Variants in ACACA observed in about 807,000 individuals in gnomAD.
The protein encoded by ACACA is acetyl-CoA carboxylase 1.
A neutral mutation model predicts 296.1 loss-of-function variants in ACACA; 103 were observed. That is an observed-to-expected ratio of 0.35 (90% CI 0.30 to 0.41). ACACA has a LOEUF of 0.41. Among genes scored for constraint, ACACA ranks in the 10% least tolerant of loss-of-function variants. The pLI is 1.00. For synonymous variants in ACACA, 953 were observed against 1,038.6 expected (o/e 0.92, Z 1.58); for missense variants, 1,554 against 2,989.7 (o/e 0.52, Z 11.20).
rs2072130739 is a variant in ACACA, at chr17:37,085,347, G to A, written c.*1969C>T. The A allele has an allele frequency of 2.8e-6, 1 of 351,576 alleles. No homozygotes were observed. Among genetic ancestry groups the A allele is most frequent in the Non-Finnish European group, 5.1e-6 (1 of 196,456 alleles). The allele number at this position is 351,576 out of a possible 1,614,324, so 21.8% of individuals were successfully genotyped here. A position where few individuals can be genotyped will look rare whatever the true frequency, so the allele number is the denominator to read the frequency against. ...TTCTAGAGAGGAAACATACTCGTTT[G>A]TGTCATAATTTGGTGGGGAGAGGGG... On this transcript the variant is annotated 3_prime_UTR_variant, in exon 56 of 56. Transcript: ENST00000616317.
chr17:37,316,815 G>A (rs1296865692), intron 3 of ACACA, among the ~76,000 whole-genome samples: 1 of 152,198 alleles, frequency 6.6e-6, no homozygotes, highest in African/African-American at 2.4e-5. Context: ...GCTCATGTCT[G>A]TAATCCCAGC....
chr17:37,388,264 T>C (rs1210407082), intron 1 of ACACA, among the ~76,000 whole-genome samples: 2 of 152,158 alleles, frequency 1.3e-5, no homozygotes, highest in Non-Finnish European at 2.9e-5. Flanking sequence ...AGGAGAAACA[T>C]AGGAAAGGCG....
chr17:37,164,609 C>G (rs2076591720), intron 41 of ACACA, among the ~76,000 whole-genome samples: 1 of 152,150 alleles, frequency 6.6e-6, no homozygotes, highest in African/African-American at 2.4e-5. Context: ...AGTGAACACT[C>G]AAATATCAGG....
intron 41 of ACACA, 41 bp downstream of exon 41, chr17:37,179,219 G>C (rs781574731): frequency 6.2e-7 from 1 of 1,613,440 alleles, no homozygotes; most frequent in South Asian, 1.1e-5. Flanking sequence ...GTACTAGTGG[G>C]CACAGAGATA....
At chr17:37,180,270 G>A (rs2144848982) in intron 40 of ACACA, among the ~76,000 whole-genome samples, 1 of 152,288 alleles carries the variant, frequency 6.6e-6, no homozygotes, top group South Asian at 2.1e-4. Context: ...GGCTAGCAAT[G>A]CTATAAAAGG....
At chr17:37,390,235 TA>T (rs557211139) in intron 1 of ACACA, among the ~76,000 whole-genome samples, 902 of 51,402 alleles carry the variant, frequency 0.018, 55 homozygotes, top group African/African-American at 0.11. Flanking sequence ...TAATTATATA[TA>T]ATATATTATA....
At chr17:37,231,687 G>A (rs971839233) in intron 25 of ACACA, among the ~76,000 whole-genome samples, 10 of 152,258 alleles carry the variant, frequency 6.6e-5, no homozygotes, top group East Asian at 1.9e-4. Context: ...CATGTGGACC[G>A]TATCAAAAAT....
In ACACA at chr17:37,335,805, C is replaced by T. The variant is rs747679503; in HGVS notation, c.85+3999G>A. ...AACTTAACTCCCTAGCAGCAGTAGT[C>T]CTTCAAAATCGAAGAGCTTTAGACT... On this transcript the variant is annotated intron_variant, in intron 2 of 55. Transcript: ENST00000616317. Among the ~76,000 whole-genome samples the T allele has an allele frequency of 3.3e-5, 5 of 152,180 alleles. No homozygotes were observed. The East Asian group carries it at 7.7e-4, about 23-fold the overall frequency.
chr17:37,156,871 C>A (rs2076273776), intron 42 of ACACA, among the ~76,000 whole-genome samples: 1 of 152,166 alleles, frequency 6.6e-6, no homozygotes, highest in Non-Finnish European at 1.5e-5. Flanking sequence ...CATAAATCTG[C>A]GATTGGTCTT....
At position 37,272,574 on chromosome 17, in the gene ACACA, A is replaced by G. The variant is rs58912375; in HGVS notation, c.1008+1619T>C. On this transcript the variant is annotated intron_variant, in intron 9 of 55. Transcript: ENST00000616317. Reference sequence around the variant, plus strand: ...AAAAAGAGAAAGACTTAAAAAAAAAAGGGGGTATCCCATAGGAGGTCAGTA... The same window carrying G: ...AAAAAGAGAAAGACTTAAAAAAAAAGGGGGGTATCCCATAGGAGGTCAGTA... 9.8e-4 allele frequency among the ~76,000 whole-genome samples: 149 copies of G among 152,172 alleles called. 1 individual carries two copies. Among genetic ancestry groups the G allele is most frequent in the African/African-American group, 3.4e-3 (142 of 41,518 alleles).
At chr17:37,149,792 A>T (rs1348198750) in intron 45 of ACACA, 72 bp downstream of exon 45, 14 of 1,340,816 alleles carry the variant, frequency 1.0e-5, no homozygotes. Context: ...TCCAATCAGG[A>T]TCTTGAATTA....
chr17:37,119,634 AC>A (rs2074425500), intron 50 of ACACA, among the ~76,000 whole-genome samples: 44 of 137,358 alleles, frequency 3.2e-4, no homozygotes, highest in African/African-American at 1.2e-3. Context: ...ACACACACAC[AC>A]ACACACAATC....
Position 37,087,305 on chromosome 17 carries a change from G to A in ACACA, c.*11C>T. 6.2e-7 allele frequency: 1 copy of A among 1,614,134 alleles called. No homozygotes were observed. Among genetic ancestry groups the A allele is most frequent in the Non-Finnish European group, 8.5e-7 (1 of 1,180,046 alleles). On this transcript the variant is annotated 3_prime_UTR_variant, in exon 56 of 56. Coordinates refer to ENST00000616317, the MANE Select transcript of ACACA (RefSeq NM_198834.3). ...TCCAGAGACAGGGCAGGGACAGGCAGGAAGCTCTTCCTACGTGGAAGGGGA... is the reference window on the plus strand; with the variant it reads ...TCCAGAGACAGGGCAGGGACAGGCAAGAAGCTCTTCCTACGTGGAAGGGGA...
Position 37,206,858 on chromosome 17 carries a change from G to A in ACACA, c.3873C>T (p.Gly1291=), listed in dbSNP as rs765621387. Residue 1291 remains glycine (G), a synonymous_variant, in exon 32 of 56, where the codon GGC becomes GGT. Transcript: ENST00000616317. Reference sequence around the variant, plus strand: ...TCTGGGGTGGGGAGTCAGAGAAGCAGCCCATCACTTCATCAAAGATCCTAA... The same window carrying A: ...TCTGGGGTGGGGAGTCAGAGAAGCAACCCATCACTTCATCAAAGATCCTAA... The part of the protein sequence containing the change: ...DFVRIFDEVM[G]CFSDSPPQSP... 5 of 1,613,578 alleles carry A rather than the reference G, an allele frequency of 3.1e-6. No individual in the cohort carries two copies. In the East Asian group the frequency reaches 1.1e-4, roughly 36 times the overall value.
At chr17:37,307,488 C>T (rs1188149333) in intron 3 of ACACA, among the ~76,000 whole-genome samples, 1 of 152,130 alleles carries the variant, frequency 6.6e-6, no homozygotes, top group Non-Finnish European at 1.5e-5. Context: ...TATTGAGCAC[C>T]TTTTCATATA....
intron 19 of ACACA, among the ~76,000 whole-genome samples, chr17:37,246,408 ATC>A (rs887724715): frequency 1.6e-4 from 25 of 151,692 alleles, no homozygotes; most frequent in Non-Finnish European, 2.9e-4. Flanking sequence ...CTTATTTCCA[ATC>A]TGTTACCTTT....
chr17:37,188,225 C>G (rs2077611821), intron 39 of ACACA, 52 bp downstream of exon 39: 2 of 1,561,154 alleles, frequency 1.3e-6, no homozygotes, highest in Admixed American at 3.4e-5. Context: ...GGACGAGTGT[C>G]TTATCTGTAG....
chr17:37,197,076 G>A (rs2078034917), intron 35 of ACACA, among the ~76,000 whole-genome samples: 3 of 152,176 alleles, frequency 2.0e-5, no homozygotes, highest in Admixed American at 2.0e-4. Context: ...TGCTGTCACA[G>A]AAATAATCTC....
At chr17:37,202,945 C>T (rs1352147137) in intron 33 of ACACA, among the ~76,000 whole-genome samples, 1 of 148,852 alleles carries the variant, frequency 6.7e-6, no homozygotes, top group Non-Finnish European at 1.5e-5. Flanking sequence ...ACATATGTAG[C>T]GAATATGAAG....
Sources: gnomAD v4.1 joint callset for allele counts (sites outside exome capture counted in the v4.1 genomes callset) on GRCh38, gnomAD v4.1.1 for gene constraint, MANE v1.5 for transcripts, NCBI Gene and HGNC (gene_info 2026-07-23, HGNC 2026-07-21) for gene names.